Variants in EYS observed in about 807,000 individuals in gnomAD.
EYS encodes protein eyes shut homolog.
Under a neutral mutation model 282.1 loss-of-function variants are expected in EYS, and 250 were observed. The ratio of observed to expected loss-of-function variants is 0.89; its 90% CI spans 0.80 to 0.98. The LOEUF is 0.98. Ranked by LOEUF, EYS falls within the 50% of genes least tolerant of loss-of-function variation. The pLI, the probability that EYS is intolerant of heterozygous loss-of-function variation, is 0.00. For synonymous variants in EYS, 1,355 were observed against 1,282.9 expected, an observed-to-expected ratio of 1.06 and a Z score of -1.20; for missense variants, 4,016 against 3,709.0, an observed-to-expected ratio of 1.08 and a Z score of -2.15.
chr6:64,289,751 AAATG>A (rs962598543), intron 30 of EYS, among the ~76,000 whole-genome samples: 1 of 152,062 alleles, frequency 6.6e-6, no homozygotes, highest in African/African-American at 2.4e-5. Context: ...TACTGTGAAT[AAATG>A]AATGAATGAA....
chr6:65,029,880 G>T (rs570186979), intron 13 of EYS, among the ~76,000 whole-genome samples: 7 of 152,096 alleles, frequency 4.6e-5, no homozygotes, highest in African/African-American at 1.7e-4. Context: ...TATGAGGGAC[G>T]CATTCCTGGT....
At chr6:63,930,649 C>T (rs1251290974) in intron 35 of EYS, among the ~76,000 whole-genome samples, 1 of 151,690 alleles carries the variant, frequency 6.6e-6, no homozygotes, top group African/African-American at 2.4e-5. Flanking sequence ...TTTAAAAATC[C>T]CACAACACAA....
intron 12 of EYS, among the ~76,000 whole-genome samples, chr6:65,087,348 T>A (rs1774414094): frequency 6.6e-6 from 1 of 152,180 alleles, no homozygotes; most frequent in African/African-American, 2.4e-5. Context: ...TTTAGGCCAT[T>A]GGTGCCCTCT....
intron 2 of EYS, among the ~76,000 whole-genome samples, chr6:65,627,359 C>T (rs1562297169): frequency 6.6e-6 from 1 of 151,588 alleles, no homozygotes; most frequent in Non-Finnish European, 1.5e-5. Flanking sequence ...GAGGTGACAG[C>T]GTGCTGGCAG....
chr6:65,436,071 G>A (rs926568671), intron 5 of EYS, among the ~76,000 whole-genome samples: 1 of 151,974 alleles, frequency 6.6e-6, no homozygotes, highest in Non-Finnish European at 1.5e-5. Context: ...ACACTAAACA[G>A]AGCATTTTAT....
At chr6:65,484,944 T>C (rs560551333) in intron 5 of EYS, among the ~76,000 whole-genome samples, 1 of 152,120 alleles carries the variant, frequency 6.6e-6, no homozygotes, top group Admixed American at 6.6e-5. Flanking sequence ...AATAGCAGAG[T>C]TGAATCATTG....
intron 12 of EYS, among the ~76,000 whole-genome samples, chr6:65,203,219 C>A (rs1048547903): frequency 3.3e-5 from 5 of 152,164 alleles, no homozygotes; most frequent in African/African-American, 1.2e-4. Flanking sequence ...ACTGCTGAAA[C>A]CAGTTTATAC....
At chr6:63,995,798 G>A (rs1767807796) in intron 34 of EYS, among the ~76,000 whole-genome samples, 1 of 151,926 alleles carries the variant, frequency 6.6e-6, no homozygotes, top group African/African-American at 2.4e-5. Flanking sequence ...GCTGGTCAGG[G>A]ATGGGGATAG....
intron 10 of EYS, among the ~76,000 whole-genome samples, chr6:65,338,147 G>T (rs1327211032): frequency 6.6e-6 from 1 of 151,096 alleles, no homozygotes; most frequent in African/African-American, 2.4e-5. Flanking sequence ...ATTTTATGCT[G>T]CAGTTATGTA....
At chr6:65,282,070 T>G in intron 12 of EYS, among the ~76,000 whole-genome samples, 1 of 149,948 alleles carries the variant, frequency 6.7e-6, no homozygotes, top group East Asian at 2.0e-4. Flanking sequence ...TTACAGAGGA[T>G]GGAGGATTTG....
chr6:65,219,700 G>A (rs968014802), intron 12 of EYS, among the ~76,000 whole-genome samples: 1 of 152,060 alleles, frequency 6.6e-6, no homozygotes, highest in Non-Finnish European at 1.5e-5. Context: ...ATAAAGACAT[G>A]CAAGACTGGG....
At chr6:64,909,411 G>A (rs1767926053) in intron 16 of EYS, among the ~76,000 whole-genome samples, 1 of 152,034 alleles carries the variant, frequency 6.6e-6, no homozygotes, top group South Asian at 2.1e-4. Flanking sequence ...TTTGTTTATA[G>A]AAATCTCATA....
At chr6:65,087,958 G>A (rs1774434935) in intron 12 of EYS, among the ~76,000 whole-genome samples, 1 of 152,040 alleles carries the variant, frequency 6.6e-6, no homozygotes, top group African/African-American at 2.4e-5. Flanking sequence ...TGATTATGGG[G>A]GAGTCTTGTG....
At chr6:64,392,392 G>T (rs1427883280) in intron 28 of EYS, among the ~76,000 whole-genome samples, 2 of 149,992 alleles carry the variant, frequency 1.3e-5, no homozygotes, top group Non-Finnish European at 2.9e-5. Context: ...GCTCTCCTCA[G>T]CAAATGTAAA....
chr6:64,912,867 A>G, intron 15 of EYS, 124 bp from the exon 16 acceptor site: 1 of 498,520 alleles, frequency 2.0e-6, no homozygotes, highest in Non-Finnish European at 3.3e-6. Flanking sequence ...GGACTAATAA[A>G]TAATACATAG....
chr6:65,311,144 A>T (rs1255336061), intron 11 of EYS, among the ~76,000 whole-genome samples: 2 of 152,186 alleles, frequency 1.3e-5, no homozygotes, highest in African/African-American at 4.8e-5. Flanking sequence ...CCGAGAAGCG[A>T]TACGTATATC....
intron 12 of EYS, among the ~76,000 whole-genome samples, chr6:65,083,050 A>G (rs1420433159): frequency 1.3e-5 from 2 of 152,000 alleles, no homozygotes; most frequent in African/African-American, 2.4e-5. Flanking sequence ...CAAATTTTAT[A>G]TACTGTCCAT....
At chr6:65,115,054 A>G (rs776768144) in intron 12 of EYS, among the ~76,000 whole-genome samples, 1 of 151,974 alleles carries the variant, frequency 6.6e-6, no homozygotes, top group Non-Finnish European at 1.5e-5. Flanking sequence ...TCGGCCTACT[A>G]CATCAACTTG....
chr6:65,557,378 G>A (rs1368570927), intron 2 of EYS, among the ~76,000 whole-genome samples: 1 of 152,184 alleles, frequency 6.6e-6, no homozygotes, highest in Non-Finnish European at 1.5e-5. Flanking sequence ...ACTGCAGTGG[G>A]GCAGGCAGCT....
Sources: gnomAD v4.1 joint callset for allele counts (sites outside exome capture counted in the v4.1 genomes callset) on GRCh38, gnomAD v4.1.1 for gene constraint, MANE v1.5 for transcripts, NCBI Gene and HGNC (gene_info 2026-07-23, HGNC 2026-07-21) for gene names.